HSD17B4: variants seen among roughly 807,000 people sequenced by gnomAD.
The protein encoded by HSD17B4 is hydroxysteroid 17-beta dehydrogenase 4.
In HSD17B4, 70 loss-of-function variants were observed where a neutral mutation model predicts 101.0. That is an observed-to-expected ratio of 0.69 (90% CI 0.57 to 0.85). The LOEUF (loss-of-function observed/expected upper bound fraction) is 0.85, where lower values mean the gene tolerates loss of function less well. Among genes scored for constraint, HSD17B4 ranks in the 40% least tolerant of loss-of-function variants. The pLI is 0.00. For missense variants in HSD17B4, 984 were observed against 892.4 expected (o/e 1.10, Z -1.31); for synonymous variants, 347 against 297.1 (o/e 1.17, Z -1.73).
chr5:119,508,243 T>C (rs1751843455), intron 15 of HSD17B4, among the ~76,000 whole-genome samples: 1 of 148,538 alleles, frequency 6.7e-6, no homozygotes, highest in Non-Finnish European at 1.5e-5. Flanking sequence ...AAAAAAAAAG[T>C]CCTGCCGAAA....
At chr5:119,499,978 A>G (rs1016488994) in intron 13 of HSD17B4, among the ~76,000 whole-genome samples, 19 of 152,186 alleles carry the variant, frequency 1.2e-4, no homozygotes, top group Non-Finnish European at 8.8e-5. Flanking sequence ...TGGAACAGTA[A>G]TAGGGCCAGC....
chr5:119,492,068 A>G, intron 9 of HSD17B4, 32 bp from the exon 10 acceptor site: 1 of 1,568,330 alleles, frequency 6.4e-7, no homozygotes, highest in Admixed American at 1.7e-5. Context: ...TTCACATTAG[A>G]TGGTATAATG....
intron 2 of HSD17B4, among the ~76,000 whole-genome samples, chr5:119,470,500 C>T (rs1756257778): frequency 6.6e-6 from 1 of 152,194 alleles, no homozygotes; most frequent in Non-Finnish European, 1.5e-5. Context: ...AGGCAGGTTC[C>T]TATACTGAGC....
At chr5:119,529,749 T>C in intron 20 of HSD17B4, 145 bp from the exon 21 acceptor site, 1 of 617,106 alleles carries the variant, frequency 1.6e-6, no homozygotes. Context: ...ACATTTACTT[T>C]AGCAGCCTTT....
chr5:119,498,769 A>G (rs1274619735), intron 12 of HSD17B4, among the ~76,000 whole-genome samples: 2 of 152,108 alleles, frequency 1.3e-5, no homozygotes, highest in African/African-American at 4.8e-5. Context: ...AGTCCCAGCT[A>G]CTCGGGAAGC....
At chr5:119,484,315 C>T (rs550173515) in intron 8 of HSD17B4, among the ~76,000 whole-genome samples, 17 of 152,258 alleles carry the variant, frequency 1.1e-4, no homozygotes, top group Middle Eastern at 3.4e-3. Context: ...GAAAATCAAT[C>T]GACTGCTTAC....
intron 17 of HSD17B4, among the ~76,000 whole-genome samples, chr5:119,518,298 C>T (rs527529696): frequency 6.6e-6 from 1 of 152,222 alleles, no homozygotes; most frequent in East Asian, 1.9e-4. Flanking sequence ...CAGCTTCACT[C>T]CTGAGCCAGC....
At position 119,523,324 on chromosome 5, in the gene HSD17B4, A is replaced by G. The variant is rs544953741; in HGVS notation, c.1504-1892A>G. 5.3e-5 allele frequency among the ~76,000 whole-genome samples: 8 copies of G among 151,952 alleles called. No individual in the cohort carries two copies. The South Asian group carries it at 1.7e-3, about 32-fold the overall frequency. On this transcript the variant is annotated intron_variant, in intron 17 of 23. Transcript: ENST00000510025. ...ATATATAGCTATTTTTCTTTTTCTT[A>G]TTTTTTTGGTGGTTGTTATTTATAA...
Position 119,526,662 on chromosome 5 carries a change from C to A in HSD17B4, c.1681-471C>A, listed in dbSNP as rs371953176. Among the ~76,000 whole-genome samples the A allele has an allele frequency of 1.3e-5, 2 of 151,884 alleles. 1 individual carries two copies. Among genetic ancestry groups the A allele is most frequent in the Admixed American group, 1.3e-4 (2 of 15,242 alleles). ...TTTGATAACACTAATTACTCTCATGCTTTTCATTTTGTTACAACTATTTTT... is the reference window on the plus strand; with the variant it reads ...TTTGATAACACTAATTACTCTCATGATTTTCATTTTGTTACAACTATTTTT... On this transcript the variant is annotated intron_variant, in intron 19 of 23. Transcript: ENST00000510025.
chr5:119,529,665 G>A (rs976813979), intron 20 of HSD17B4, among the ~76,000 whole-genome samples: 8 of 152,098 alleles, frequency 5.3e-5, no homozygotes, highest in Admixed American at 2.0e-4. Context: ...GTTTTAAAGG[G>A]CTCCAGCTGA....
intron 21 of HSD17B4, 156 bp downstream of exon 21, chr5:119,530,136 A>T (rs569508954): frequency 3.0e-6 from 2 of 658,692 alleles, no homozygotes; most frequent in African/African-American, 3.6e-5. Context: ...AGCTTGGAAT[A>T]GAAGGAATAC....
intron 2 of HSD17B4, among the ~76,000 whole-genome samples, chr5:119,465,154 T>G (rs1311094855): frequency 1.3e-5 from 2 of 152,190 alleles, no homozygotes; most frequent in Admixed American, 6.5e-5. Context: ...TTGGGTGGTA[T>G]GGCCATCTTA....
chr5:119,542,045 C>T lies in HSD17B4; in HGVS notation c.*51C>T. ...ATGGAATCATTAAATACTCTCTTCA[C>T]CCAAATATGCTTGATTATTCTGCAA... On this transcript the variant is annotated 3_prime_UTR_variant, in exon 24 of 24. Transcript: ENST00000510025. 1 of 1,185,810 alleles carries T rather than the reference C, an allele frequency of 8.4e-7. No individual in the cohort carries two copies. The highest frequency in any genetic ancestry group is 1.3e-6 in the Non-Finnish European group (1 of 793,368). The allele number at this position is 1,185,810 out of a possible 1,614,324, so 73.5% of individuals were successfully genotyped here.
intron 20 of HSD17B4, 149 bp from the exon 21 acceptor site, chr5:119,529,745 A>T: frequency 1.6e-6 from 1 of 610,854 alleles, no homozygotes; most frequent in Non-Finnish European, 2.9e-6. Flanking sequence ...CTTGACATTT[A>T]CTTTAGCAGC....
At chr5:119,535,774 T>C (rs368301450) in intron 22 of HSD17B4, 8 of 151,608 alleles carry the variant, frequency 5.3e-5, no homozygotes, top group East Asian at 3.9e-4. Flanking sequence ...GTATAGGGGA[T>C]ACAAAGACAA....
At chr5:119,479,438 T>G (rs955714731) in intron 8 of HSD17B4, among the ~76,000 whole-genome samples, 1 of 152,204 alleles carries the variant, frequency 6.6e-6, no homozygotes, top group Non-Finnish European at 1.5e-5. Flanking sequence ...GTCAGAGTGG[T>G]ATATTTATTA....
intron 8 of HSD17B4, among the ~76,000 whole-genome samples, chr5:119,488,209 G>T (rs923351526): frequency 1.3e-5 from 2 of 152,102 alleles, no homozygotes; most frequent in Non-Finnish European, 2.9e-5. Flanking sequence ...TACTGATGAA[G>T]ATACAGGCCC....
At chr5:119,511,458 G>A (rs1001896790) in intron 16 of HSD17B4, among the ~76,000 whole-genome samples, 1 of 152,148 alleles carries the variant, frequency 6.6e-6, no homozygotes, top group African/African-American at 2.4e-5. Context: ...TTGCAAAGAG[G>A]CTTGAATTTA....
intron 22 of HSD17B4, chr5:119,535,938 C>T (rs1355622174): frequency 1.1e-5 from 2 of 183,570 alleles, no homozygotes; most frequent in Non-Finnish European, 2.3e-5. Context: ...GCCATATTCT[C>T]ATCTGTTACC....
Sources: allele counts gnomAD v4.1 joint callset (sites outside exome capture counted in the v4.1 genomes callset), GRCh38; gene constraint gnomAD v4.1.1; transcripts MANE v1.5; gene names NCBI Gene and HGNC (gene_info 2026-07-23, HGNC 2026-07-21).